The following TTN variants were observed in gnomAD, a reference collection of about 807,000 sequenced individuals.
TTN encodes connectin.
Under a neutral mutation model 3,223.0 loss-of-function variants are expected in TTN, and 1,525 were observed. The ratio of observed to expected loss-of-function variants is 0.47; its 90% CI spans 0.45 to 0.49. TTN has a LOEUF of 0.49. Among genes scored for constraint, TTN ranks in the 20% least tolerant of loss-of-function variants. The pLI is 0.00. For missense variants in TTN, 40,786 were observed against 43,424.0 expected (o/e 0.94, Z 5.40); for synonymous variants, 14,094 against 15,161.0 (o/e 0.93, Z 5.17).
intron 226 of TTN, 54 bp from the exon 227 acceptor site, chr2:178,635,769 A>G (rs919150185): frequency 1.1e-5 from 17 of 1,539,266 alleles, no homozygotes; most frequent in Admixed American, 7.0e-5. Context: ...AGTAATATAC[A>G]TAGCTTCCTT....
rs756575734 is a variant in TTN, at chr2:178,531,094, C to T, written c.105521G>A (p.Arg35174His). The T allele has an allele frequency of 7.4e-5, 119 of 1,613,822 alleles. No homozygotes were observed. The highest frequency in any genetic ancestry group is 8.6e-5 in the Non-Finnish European group (102 of 1,179,888). The change falls in exon 358 of 363, where the codon CGC (arginine) becomes CAC (histidine). Residue 35174 changes from arginine to histidine, a missense_variant. Transcript: ENST00000589042. ...RKGQVLSTSA[R>H]HQVTTTKYKS... ...GTACTTTGTGGTGGTCACTTGGTGG[C>T]GGGCAGAAGTACTTAGCACTTGTCC... is the stretch of plus-strand genomic sequence containing the variant.
chr2:178,682,457 G>C (rs1311340045), intron 135 of TTN, among the ~76,000 whole-genome samples: 1 of 151,914 alleles, frequency 6.6e-6, no homozygotes, highest in Non-Finnish European at 1.5e-5. Flanking sequence ...AAAAATGAGG[G>C]GGGTATTAGA....
Position 178,767,865 on chromosome 2 carries a change from G to C in TTN, c.9365C>G (p.Ser3122Cys). The change falls in exon 40 of 363, where the codon TCT becomes TGT. Residue 3122 changes from serine (S) to cysteine (C), a missense_variant. Coordinates refer to ENST00000589042, the MANE Select transcript of TTN (RefSeq NM_001267550.2). ...CACCACTGTGTACTTCCCAGCATCA[G>C]ACATCCGGGTGGATGGGATCAGAAG... ...HRLLIPSTRM[S>C]DAGKYTVVAG... The C allele has an allele frequency of 6.2e-7, 1 of 1,614,096 alleles. No homozygotes were observed. The highest frequency in any genetic ancestry group is 8.5e-7 in the Non-Finnish European group (1 of 1,179,992).
Position 178,562,859 on chromosome 2 carries a change from A to C in TTN, c.83273T>G (p.Phe27758Cys). The change falls in exon 326 of 363, where the codon TTT becomes TGT. Residue 27758 changes from phenylalanine (F) to cysteine (C), a missense_variant. Physicochemically the swap from Phe to Cys is radical, Grantham distance 205. Transcript: ENST00000589042. ...LENNSGSKTA[F>C]VNVRVLDSPS... is the part of the protein sequence containing the mutation. ...TGAGTCAAGAACTCTGACGTTAACA[A>C]AAGCTGTTTTGGAGCCACTATTATT... 6.2e-7 allele frequency: 1 copy of C among 1,613,074 alleles called. No individual in the cohort carries two copies. The highest frequency in any genetic ancestry group is 8.5e-7 in the Non-Finnish European group (1 of 1,179,498).
rs12464787 is a variant in TTN, at chr2:178,575,302, G to A, written c.70830C>T (p.Ser23610=). The change falls in exon 326 of 363, where the codon AGC becomes AGT. Residue 23610 remains serine, a synonymous_variant. Coordinates refer to ENST00000589042, the MANE Select transcript of TTN (RefSeq NM_001267550.2). The surrounding 1 kb of genome is among the most constrained non-coding windows in gnomAD (Gnocchi z 4.0). ...EYTFQVMAVN[S]AGRSAPRESR... ...TTTCTCTAGGGGCACTTCTCCCCGC[G>A]CTGTTCACTGCCATCACTTGGAAGG... is the stretch of plus-strand genomic sequence containing the variant. 0.28 allele frequency: 449,269 copies of A among 1,613,078 alleles called. 66,896 individuals are homozygous for A. The highest frequency in any genetic ancestry group is 0.31 in the Non-Finnish European group (363,433 of 1,179,450).
Position 178,614,126 on chromosome 2 carries a change from C to T in TTN, c.49271G>A (p.Arg16424Lys). 1 of 1,612,480 alleles carries T rather than the reference C, an allele frequency of 6.2e-7. No individual in the cohort carries two copies. The highest frequency in any genetic ancestry group is 8.5e-7 in the Non-Finnish European group (1 of 1,179,238). Reference protein sequence around the residue: ...KLIPNKEYIFRVAAENMYGVG... With the variant: ...KLIPNKEYIFKVAAENMYGVG... ...ACCATACATGTTTTCTGCAGCAACT[C>T]TGAAGATGTACTCTTTATTGGGGAT... Residue 16424 changes from arginine to lysine, a missense_variant, in exon 262 of 363, where the codon AGA becomes AAA. Coordinates refer to ENST00000589042, the MANE Select transcript of TTN (RefSeq NM_001267550.2).
rs374156904 is a variant in TTN at position 178,709,772 on chromosome 2, C to T, written c.28547G>A (p.Arg9516His). Reference sequence around the variant, plus strand: ...AGTTATAGGTTGGGAACCAGCCACACGTCCCTCAAGTTTGAAAGAATTCCC... The same window carrying T: ...AGTTATAGGTTGGGAACCAGCCACATGTCCCTCAAGTTTGAAAGAATTCCC... Reference protein sequence around the residue: ...TEGNSFKLEGRVAGSQPITVA... With the variant: ...TEGNSFKLEGHVAGSQPITVA... Residue 9516 changes from arginine to histidine, a missense_variant, in exon 99 of 363, where the codon CGT (arginine) becomes CAT (histidine). Coordinates refer to ENST00000589042, the MANE Select transcript of TTN (RefSeq NM_001267550.2). 2.5e-4 allele frequency: 410 copies of T among 1,613,780 alleles called. 1 individual carries two copies. In the East Asian group the frequency reaches 7.3e-3, roughly 29 times the overall value.
At position 178,532,050 on chromosome 2, in the gene TTN, A is replaced by G. The variant is rs1274686824; in HGVS notation, c.104565T>C (p.Ser34855=). 8.7e-6 allele frequency: 14 copies of G among 1,613,790 alleles called. No individual in the cohort carries two copies. Among genetic ancestry groups the G allele is most frequent in the Non-Finnish European group, 1.2e-5 (14 of 1,179,866 alleles). ...PTYIELMRPV[S]ELIRSRPQPA... Reference sequence around the variant, plus strand: ...GTTGTGGACGTGACCGGATCAGCTCAGACACTGGCCTCATTAACTCAATAT... The same window carrying G: ...GTTGTGGACGTGACCGGATCAGCTCGGACACTGGCCTCATTAACTCAATAT... The change falls in exon 358 of 363, where the codon TCT becomes TCC. Residue 34855 remains serine (S), a synonymous_variant. Transcript: ENST00000589042.
rs952442677 is a variant in TTN at position 178,779,797 on chromosome 2, C to T, written c.3729+203G>A. Reference sequence around the variant, plus strand: ...ATTATAAGCCCTATTTTTAAAGTCACATTTATGGCCTATATGTAATCTCTA... The same window carrying T: ...ATTATAAGCCCTATTTTTAAAGTCATATTTATGGCCTATATGTAATCTCTA... On this transcript the variant is annotated intron_variant, in intron 22 of 362. Coordinates refer to ENST00000589042, the MANE Select transcript of TTN (RefSeq NM_001267550.2). 12 of 588,424 alleles carry T rather than the reference C, an allele frequency of 2.0e-5. No homozygotes were observed. In the East Asian group the frequency reaches 3.5e-4, roughly 17 times the overall value. 36.5% of individuals were successfully genotyped at this position (588,424 alleles called of 1,614,324 possible).
In TTN at chr2:178,553,678, C is replaced by T; in HGVS notation, c.89327G>A (p.Gly29776Glu). 6.2e-7 allele frequency: 1 copy of T among 1,613,878 alleles called. No homozygotes were observed. The highest frequency in any genetic ancestry group is 1.1e-5 in the South Asian group (1 of 91,088). Residue 29776 changes from glycine (G) to glutamate (E), a missense_variant, in exon 334 of 363, where the codon GGA becomes GAA. Physicochemically the swap from Gly to Glu is moderately conservative, Grantham distance 98 (BLOSUM62 -2). Coordinates refer to ENST00000589042, the MANE Select transcript of TTN (RefSeq NM_001267550.2). ...GACAGTAGTCCATTCCTCTTCCTCTCCTTGTCTTATCTCGACAACATACCC... is the reference window on the plus strand; with the variant it reads ...GACAGTAGTCCATTCCTCTTCCTCTTCTTGTCTTATCTCGACAACATACCC... ...VTGYVVEIRQ[G>E]EEEEWTTVST...
At chr2:178,638,710 C>A (rs2060829692) in intron 223 of TTN, among the ~76,000 whole-genome samples, 1 of 151,812 alleles carries the variant, frequency 6.6e-6, no homozygotes, top group African/African-American at 2.4e-5. Context: ...CTTCTCCCCA[C>A]CCCACCACCA....
In TTN at chr2:178,765,517, C is replaced by G. The variant is rs114704223; in HGVS notation, c.9704-706G>C. ...AGAAAAGATCTTTACTTTTCTGTGC[C>G]TCAGTTTCTCCACTACTAATACAGA... On this transcript the variant is annotated intron_variant, in intron 41 of 362. Transcript: ENST00000589042. Among the ~76,000 whole-genome samples, 1,128 of 152,204 alleles carry G rather than the reference C, an allele frequency of 7.4e-3. 8 individuals carry two copies. Among genetic ancestry groups the G allele is most frequent in the Admixed American group, 0.014 (220 of 15,284 alleles).
intron 47 of TTN, 112 bp from the exon 48 acceptor site, chr2:178,742,033 TG>T (rs2082579919): frequency 1.2e-6 from 1 of 833,284 alleles, no homozygotes; most frequent in Non-Finnish European, 1.6e-6. Context: ...ATTCCTGGAA[TG>T]ATTAGATTAT....
At chr2:178,804,297 C>T (rs1408266093) in intron 2 of TTN, among the ~76,000 whole-genome samples, 1 of 152,034 alleles carries the variant, frequency 6.6e-6, no homozygotes. Context: ...ATTCTAACGG[C>T]AATTTTAATC....
rs1440823660 is a variant in TTN at position 178,683,271 on chromosome 2, CT to C, written c.32826del (p.Val10943TrpfsTer22). ...PPAKVTEFRK[R>X]VVKEEKVSIE... ...ATTGATACTTTTTCTTCTTTAACCA[CT>C]CTTTTTCTGAATTCAGTCACTTTAA... On this transcript the variant is annotated frameshift_variant, in exon 134 of 363. Transcript: ENST00000589042. LOFTEE classifies it high-confidence loss of function. 3 of 1,544,848 alleles carry C rather than the reference CT, an allele frequency of 1.9e-6. No individual in the cohort carries two copies. Among genetic ancestry groups the C allele is most frequent in the African/African-American group, 1.4e-5 (1 of 72,936 alleles).
chr2:178,653,177 C>A, intron 198 of TTN, 53 bp from the exon 199 acceptor site: 1 of 1,607,262 alleles, frequency 6.2e-7, no homozygotes, highest in Non-Finnish European at 8.5e-7. Context: ...ACCACTGGAA[C>A]AAAATGTCTT....
Position 178,728,982 on chromosome 2 carries a change from T to C in TTN, c.19056A>G (p.Arg6352=). The C allele has an allele frequency of 6.2e-7, 1 of 1,613,152 alleles. No individual in the cohort carries two copies. Among genetic ancestry groups the C allele is most frequent in the South Asian group, 1.1e-5 (1 of 91,024 alleles). ...TCCCACTGTGTCCATTATCCACACT[T>C]CTGATTTGAAGTGTGGCCACACTGT... ...FVDSVATLQI[R]SVDNGHSGRY... Residue 6352 remains arginine (R), a synonymous_variant, in exon 65 of 363, where the codon AGA becomes AGG. Transcript: ENST00000589042.
At chr2:178,588,246 A>G in intron 304 of TTN, 27 bp from the exon 305 acceptor site, 1 of 1,522,050 alleles carries the variant, frequency 6.6e-7, no homozygotes, top group Non-Finnish European at 8.9e-7. Flanking sequence ...CATATAGTTA[A>G]CTACTACTAG....
Position 178,693,629 on chromosome 2 carries a change from CT to C in TTN, c.31573del (p.Arg10525GlyfsTer100). 6.3e-7 allele frequency: 1 copy of C among 1,598,802 alleles called. No homozygotes were observed. The highest frequency in any genetic ancestry group is 8.5e-7 in the Non-Finnish European group (1 of 1,169,688). ...AATACCTTTAGGTGGTGGTTCAACC[CT>C]TTTGGAAATGGCAACGTGAATTTTC... Reference protein sequence around the residue: ...EEKIHVAISKRVEPPPKVPEL... With the variant: ...EEKIHVAISKXVEPPPKVPEL... On this transcript the variant is annotated frameshift_variant, in exon 119 of 363. Coordinates refer to ENST00000589042, the MANE Select transcript of TTN (RefSeq NM_001267550.2). LOFTEE classifies it high-confidence loss of function.
Sources: gnomAD v4.1 joint callset for allele counts (sites outside exome capture counted in the v4.1 genomes callset) on GRCh38, gnomAD v4.1.1 for gene constraint, Gnocchi (gnomAD v3.1) non-coding constraint, MANE v1.5 for transcripts, NCBI Gene and HGNC (gene_info 2026-07-23, HGNC 2026-07-21) for gene names.